The following WWTR1 variants were observed in gnomAD, a reference collection of about 807,000 sequenced individuals.
The protein encoded by WWTR1 is WW domain containing transcription regulator 1, also known as WW domain-containing transcription regulator protein 1.
A neutral mutation model predicts 40.1 loss-of-function variants in WWTR1; 13 were observed. The observed-to-expected ratio is 0.32, with a 90% CI of 0.21 to 0.52. The LOEUF is 0.52. Ranked by LOEUF, WWTR1 falls within the 20% of genes least tolerant of loss-of-function variation. The pLI is 0.97. For synonymous variants in WWTR1, 230 were observed against 210.1 expected (o/e 1.09, Z -0.82); for missense variants, 436 against 523.1 (o/e 0.83, Z 1.63).
chr3:149,600,145 A>G (rs1362466965), intron 2 of WWTR1, among the ~76,000 whole-genome samples: 1 of 151,666 alleles, frequency 6.6e-6, no homozygotes, highest in Non-Finnish European at 1.5e-5. Context: ...GCGTCGTCAA[A>G]TTTTTGTATC....
chr3:149,689,380 CAA>C (rs3044083), intron 1 of WWTR1, among the ~76,000 whole-genome samples: 211 of 36,672 alleles, frequency 5.8e-3, no homozygotes, highest in Non-Finnish European at 7.1e-3. Flanking sequence ...GAACCTATCT[CAA>C]AAAAAAAAAA....
intron 4 of WWTR1, among the ~76,000 whole-genome samples, chr3:149,721,263 T>A (rs779746421): frequency 2.0e-5 from 3 of 152,222 alleles, no homozygotes; most frequent in African/African-American, 7.2e-5. Context: ...TTTGTTATGT[T>A]GAGTTAGTTT....
chr3:149,571,905 CA>C (rs144659902), intron 3 of WWTR1, among the ~76,000 whole-genome samples: 5,261 of 152,110 alleles, frequency 0.035, 304 homozygotes, highest in African/African-American at 0.12. Context: ...GAATGATTAC[CA>C]AAAAAGCTGA....
At chr3:149,537,666 C>T (rs966811621) in intron 4 of WWTR1, among the ~76,000 whole-genome samples, 49 of 152,120 alleles carry the variant, frequency 3.2e-4, no homozygotes, top group African/African-American at 1.1e-3. Flanking sequence ...TGTGAAATAG[C>T]CACCACAACC....
chr3:149,588,531 G>A (rs963311515), intron 2 of WWTR1, among the ~76,000 whole-genome samples: 3 of 152,158 alleles, frequency 2.0e-5, no homozygotes, highest in African/African-American at 7.2e-5. Flanking sequence ...TCAGACAGTG[G>A]AAGACTGAAC....
intron 5 of WWTR1, among the ~76,000 whole-genome samples, chr3:149,708,458 C>T (rs1388174726): frequency 6.6e-6 from 1 of 151,932 alleles, no homozygotes; most frequent in African/African-American, 2.4e-5. Context: ...CATTAAACAA[C>T]TCCCCATCTC....
At chr3:149,604,748 C>A (rs1739408256) in intron 2 of WWTR1, among the ~76,000 whole-genome samples, 1 of 152,332 alleles carries the variant, frequency 6.6e-6, no homozygotes, top group Middle Eastern at 3.4e-3. Flanking sequence ...GCGGTACTGG[C>A]CCTTCTTCAC....
intron 2 of WWTR1, among the ~76,000 whole-genome samples, chr3:149,583,863 T>G (rs1001307676): frequency 3.3e-5 from 5 of 152,110 alleles, no homozygotes; most frequent in Non-Finnish European, 7.4e-5. Context: ...CAGCACAGAC[T>G]CTATTGTTTT....
upstream of WWTR1, chr3:149,659,587 A>C (rs1354632647): frequency 1.3e-5 from 2 of 152,068 alleles, no homozygotes; most frequent in African/African-American, 4.8e-5. Context: ...CGCCCGCCTC[A>C]GGCTCCCAAA....
intron 2 of WWTR1, among the ~76,000 whole-genome samples, chr3:149,667,375 G>A (rs535551344): frequency 8.6e-5 from 13 of 151,820 alleles, no homozygotes; most frequent in East Asian, 3.9e-4. Context: ...GTGAAATCCC[G>A]TCTCTACTAA....
chr3:149,680,336 G>C (rs1159769376), intron 1 of WWTR1, among the ~76,000 whole-genome samples: 2 of 152,160 alleles, frequency 1.3e-5, no homozygotes, highest in Non-Finnish European at 2.9e-5. Flanking sequence ...CTGAGGTCAG[G>C]AGTTCAAGAC....
chr3:149,524,287 A>G (rs563217770), intron 6 of WWTR1, among the ~76,000 whole-genome samples: 3 of 147,842 alleles, frequency 2.0e-5, no homozygotes, highest in Non-Finnish European at 3.0e-5. Context: ...ACTTGAGGTT[A>G]TTTTAAAGAG....
At chr3:149,639,993 C>CAAAAAAAAAA (rs1215330406) in intron 2 of WWTR1, among the ~76,000 whole-genome samples, 1 of 76,308 alleles carries the variant, frequency 1.3e-5, no homozygotes, top group Admixed American at 1.9e-4. Flanking sequence ...GACTCCGTCT[C>CAAAAAAAAAA]AAAAAAAAAA....
At chr3:149,553,619 C>A (rs1238796460) in intron 3 of WWTR1, among the ~76,000 whole-genome samples, 1 of 152,110 alleles carries the variant, frequency 6.6e-6, no homozygotes, top group Non-Finnish European at 1.5e-5. Context: ...CAATGGTAGA[C>A]CTTCTGGCCA....
At chr3:149,540,295 T>A (rs1379480198) in intron 4 of WWTR1, 1 of 456,706 alleles carries the variant, frequency 2.2e-6, no homozygotes, top group Non-Finnish European at 4.4e-6. Context: ...TTCTGTAATA[T>A]GAACCATCAG....
intron 2 of WWTR1, among the ~76,000 whole-genome samples, chr3:149,663,857 T>C (rs1010402398): frequency 6.6e-6 from 1 of 152,222 alleles, no homozygotes; most frequent in Non-Finnish European, 1.5e-5. Flanking sequence ...TTTCAGCTAC[T>C]TCTGGACTCA....
At chr3:149,702,790 A>G (rs1008215635) in intron 1 of WWTR1, 1 of 152,280 alleles carries the variant, frequency 6.6e-6, no homozygotes, top group Admixed American at 6.5e-5. Context: ...AGTTTTGACT[A>G]TTGCTTACCA....
At chr3:149,554,307 G>A (rs1218798067) in intron 3 of WWTR1, among the ~76,000 whole-genome samples, 1 of 152,136 alleles carries the variant, frequency 6.6e-6, no homozygotes, top group African/African-American at 2.4e-5. Context: ...GTGCCCCAAA[G>A]CTTGCCAGAT....
chr3:149,665,457 C>T (rs1713779244), intron 2 of WWTR1, among the ~76,000 whole-genome samples: 1 of 151,918 alleles, frequency 6.6e-6, no homozygotes, highest in Non-Finnish European at 1.5e-5. Context: ...GATCTCCTGA[C>T]CTCATGATCT....
Sources: allele counts gnomAD v4.1 joint callset (sites outside exome capture counted in the v4.1 genomes callset), GRCh38; gene constraint gnomAD v4.1.1; transcripts MANE v1.5; gene names NCBI Gene and HGNC (gene_info 2026-07-23, HGNC 2026-07-21).